The following RIF1 variants were observed in gnomAD, a reference collection of about 807,000 sequenced individuals.
RIF1 encodes the protein telomere-associated protein RIF1.
In RIF1, 45 loss-of-function variants were observed where a neutral mutation model predicts 247.1. That is an observed-to-expected ratio of 0.18 (90% CI 0.14 to 0.23). The LOEUF (loss-of-function observed/expected upper bound fraction) is 0.23. Among genes scored for constraint, RIF1 ranks in the 10% least tolerant of loss-of-function variants. The pLI, the probability that RIF1 is intolerant of heterozygous loss-of-function variation, is 1.00. For synonymous variants in RIF1, 1,087 were observed against 978.8 expected, an observed-to-expected ratio of 1.11 and a Z score of -2.06; for missense variants, 2,967 against 2,862.5, an observed-to-expected ratio of 1.04 and a Z score of -0.83.
chr2:151,503,245 A>C, intron 12 of RIF1: 1 of 826,116 alleles, frequency 1.2e-6, no homozygotes, highest in South Asian at 1.5e-5. Context: ...ACACACAGAC[A>C]CACACAGAAT....
At chr2:151,490,263 A>C (rs1180763609) in intron 9 of RIF1, 80 of 1,377,202 alleles carry the variant, frequency 5.8e-5, no homozygotes, top group Non-Finnish European at 7.8e-5. Context: ...TCATTAAAGG[A>C]AAGGATGAAA....
At position 151,422,976 on chromosome 2, in the gene RIF1, A is replaced by G; in HGVS notation, c.720A>G (p.Leu240=). The change falls in exon 8 of 36, where the codon CTA becomes CTG. Residue 240 remains leucine (L), a synonymous_variant. Coordinates refer to ENST00000444746, the MANE Select transcript of RIF1 (RefSeq NM_018151.5). ...AATTAATCTCAGAACTTCAGAAGCT[A>G]TTTATGAGTAAAAATGAGACTTACG... The part of the protein sequence containing the change: ...TTKLISELQK[L]FMSKNETYVL... The G allele has an allele frequency of 1.9e-6, 3 of 1,587,064 alleles. No individual in the cohort carries two copies. Among genetic ancestry groups the G allele is most frequent in the Non-Finnish European group, 2.6e-6 (3 of 1,158,112 alleles).
intron 13 of RIF1, 91 bp downstream of exon 13, chr2:151,437,442 G>GTGCTGGGATTA: frequency 1.0e-6 from 1 of 992,878 alleles, no homozygotes; most frequent in Non-Finnish European, 1.6e-6. Context: ...TGTAATCCCA[G>GTGCTGGGATTA]CACTTTGGGA....
At chr2:151,505,451 A>G in intron 12 of RIF1, 1 of 1,590,446 alleles carries the variant, frequency 6.3e-7, no homozygotes, top group Non-Finnish European at 8.6e-7. Flanking sequence ...CAGTCACACA[A>G]ATGGAAGCTG....
Position 151,428,904 on chromosome 2 carries a change from A to G in RIF1, c.907A>G (p.Asn303Asp). The G allele has an allele frequency of 6.7e-7, 1 of 1,497,964 alleles. No homozygotes were observed. Among genetic ancestry groups the G allele is most frequent in the Non-Finnish European group, 9.3e-7 (1 of 1,078,166 alleles). 92.8% of individuals were successfully genotyped at this position (1,497,964 alleles called of 1,614,324 possible). ...AFIAWKSLID[N>D]FALNPDILCS... Reference sequence around the variant, plus strand: ...TATTGCTTGGAAGAGTTTAATAGATAATTTTGCTTTAAATCCAGGTAAGTA... The same window carrying G: ...TATTGCTTGGAAGAGTTTAATAGATGATTTTGCTTTAAATCCAGGTAAGTA... The change falls in exon 9 of 36, where the codon AAT (asparagine) becomes GAT (aspartate). Residue 303 changes from asparagine to aspartate, a missense_variant. Physicochemically the swap from Asn to Asp is conservative, Grantham distance 23 (BLOSUM62 1). This residue lies in a region of RIF1 where 71 missense variants were observed against 132.9 expected (regional missense o/e 0.53). Transcript: ENST00000444746.
Position 151,414,438 on chromosome 2 carries a change from A to G in RIF1, c.184-385A>G, listed in dbSNP as rs1275802266. On this transcript the variant is annotated intron_variant, in intron 3 of 35. Transcript: ENST00000444746. ...CCTTCCTTCTCCCAGTCTTAGAGGA[A>G]GAGATGTCACTCCACTCTAAAGCTA... 7.9e-5 allele frequency among the ~76,000 whole-genome samples: 12 copies of G among 152,234 alleles called. No individual in the cohort carries two copies. In the South Asian group the frequency reaches 2.3e-3, roughly 29 times the overall value.
chr2:151,437,979 C>T (rs531930219), intron 13 of RIF1, among the ~76,000 whole-genome samples: 5 of 152,262 alleles, frequency 3.3e-5, no homozygotes, highest in African/African-American at 9.6e-5. Context: ...AAATTGTTTG[C>T]TCTTTAACTG....
chr2:151,529,101 G>T, the RIF1 span: 1 of 753,720 alleles, frequency 1.3e-6, no homozygotes, highest in East Asian at 2.5e-5. Context: ...CTCTTGCTTT[G>T]GAATCAATCA....
exon 11 of RIF1, chr2:151,499,495 A>AAGAC (rs2062819206): frequency 4.5e-6 from 3 of 666,850 alleles, no homozygotes; most frequent in East Asian, 2.9e-5. Flanking sequence ...TCAGACAGAA[A>AAGAC]AGACAGATTC....
chr2:151,512,121 C>T (rs2074961237), downstream of RIF1, among the ~76,000 whole-genome samples: 1 of 149,218 alleles, frequency 6.7e-6, no homozygotes, highest in Non-Finnish European at 1.5e-5. Flanking sequence ...AGCTCTGCCT[C>T]CCGGGTTCAC....
Position 151,465,947 on chromosome 2 carries a change from G to A in RIF1, c.6427G>A (p.Ala2143Thr), listed in dbSNP as rs763710552. The change falls in exon 30 of 36, where the codon GCA (alanine) becomes ACA (threonine). Residue 2143 changes from alanine (A) to threonine (T), a missense_variant. Coordinates refer to ENST00000444746, the MANE Select transcript of RIF1 (RefSeq NM_018151.5). ...TGAGCTAATAATAGAAGACAATAAT[G>A]CATCTCCTCAAAAACTAAGGGAACT... ...ISELIIEDNN[A>T]SPQKLRELDP... 11 of 1,614,116 alleles carry A rather than the reference G, an allele frequency of 6.8e-6. No individual in the cohort carries two copies. The highest frequency in any genetic ancestry group is 9.3e-6 in the Non-Finnish European group (11 of 1,179,994).
chr2:151,493,268 G>C, intron 9 of RIF1: 1 of 1,048,154 alleles, frequency 9.5e-7, no homozygotes, highest in Non-Finnish European at 1.4e-6. Context: ...GTGTTTTTCA[G>C]TTGAATGAGA....
Position 151,480,572 on chromosome 2 carries a change from CATT to C in RIF1, c.*5506_*5508del, listed in dbSNP as rs1394591419. 1 of 152,114 alleles carries C rather than the reference CATT, an allele frequency of 6.6e-6. No individual in the cohort carries two copies. Among genetic ancestry groups the C allele is most frequent in the African/African-American group, 2.4e-5 (1 of 41,438 alleles). The allele number at this position is 152,114 out of a possible 1,614,324, so 9.4% of individuals were successfully genotyped here. A position where few individuals can be genotyped will look rare whatever the true frequency, so the allele number is the denominator to read the frequency against. The stretch of plus-strand genomic sequence containing the variant: ...TACCCTGAGAGATTATGTTAAAATA[CATT>C]ATTAATACTCCCACAAAAGCAGTAA... On this transcript the variant is annotated 3_prime_UTR_variant, in exon 36 of 36. Transcript: ENST00000444746.
the RIF1 span, chr2:151,515,010 A>C: frequency 5.3e-5 from 47 of 886,370 alleles, no homozygotes; most frequent in African/African-American, 2.2e-4. Context: ...GAAAAAAAAA[A>C]CAGCATTTTC....
chr2:151,445,315 C>G (rs1693070164), intron 18 of RIF1, 23 bp from the exon 19 acceptor site: 4 of 1,323,682 alleles, frequency 3.0e-6, no homozygotes, highest in Non-Finnish European at 4.4e-6. Context: ...ATTTGTCTAA[C>G]TTCATTATTT....
At chr2:151,456,456 C>A (rs1378617430) in intron 22 of RIF1, 122 bp from the exon 23 acceptor site, 1 of 579,836 alleles carries the variant, frequency 1.7e-6, no homozygotes, top group South Asian at 2.2e-5. Flanking sequence ...CTTTGGGCAC[C>A]TTTTTATATC....
At chr2:151,498,405 C>A (rs2061812232) in intron 10 of RIF1, 3 of 1,349,116 alleles carry the variant, frequency 2.2e-6, no homozygotes, top group Non-Finnish European at 3.1e-6. Context: ...CAGTCATTTT[C>A]CCCCTGCTTT....
the RIF1 span, among the ~76,000 whole-genome samples, chr2:151,522,693 G>A: frequency 6.6e-6 from 1 of 152,228 alleles, no homozygotes; most frequent in African/African-American, 2.4e-5. Context: ...ACAAGAATCA[G>A]AGGAAGACAG....
the RIF1 span, chr2:151,514,329 T>G: frequency 6.2e-7 from 1 of 1,610,888 alleles, no homozygotes; most frequent in South Asian, 1.1e-5. Context: ...TCATTGAGGA[T>G]TTGAGTGGCA....
Sources: allele counts gnomAD v4.1 joint callset (sites outside exome capture counted in the v4.1 genomes callset), GRCh38; gene constraint gnomAD v4.1.1; regional missense constraint gnomAD v4.1.1; transcripts MANE v1.5; gene names NCBI Gene and HGNC (gene_info 2026-07-23, HGNC 2026-07-21).